Variants in MOXD1 observed in about 807,000 individuals in gnomAD.
The protein encoded by MOXD1 is DBH-like monooxygenase protein 1.
In MOXD1, 62 loss-of-function variants were observed where a neutral mutation model predicts 66.6. That is an observed-to-expected ratio of 0.93 (90% CI 0.76 to 1.15). The LOEUF is 1.15. Among genes scored for constraint, MOXD1 ranks in the 50% most tolerant of loss-of-function variants. The pLI is 0.00. For missense variants in MOXD1, 847 were observed against 754.6 expected (o/e 1.12, Z -1.44); for synonymous variants, 303 against 281.9 (o/e 1.07, Z -0.75).
Position 132,401,406 on chromosome 6 carries a change from G to A in MOXD1, c.21C>T (p.Leu7=), listed in dbSNP as rs1773396993. 6.6e-7 allele frequency: 1 copy of A among 1,519,310 alleles called. No homozygotes were observed. Among genetic ancestry groups the A allele is most frequent in the Non-Finnish European group, 8.8e-7 (1 of 1,139,620 alleles). The allele number at this position is 1,519,310 out of a possible 1,614,324, so 94.1% of individuals were successfully genotyped here. A position where few individuals can be genotyped will look rare whatever the true frequency, so the allele number is the denominator to read the frequency against. The change falls in exon 1 of 12, where the codon CTC becomes CTT. Residue 7 remains leucine (L), a synonymous_variant. Transcript: ENST00000367963. MCCWPL[L]LLWGLLPGTA... The stretch of plus-strand genomic sequence containing the variant: ...TCCCGGGGAGCAGCCCCCACAGCAG[G>A]AGCAGCGGCCAGCAGCACATCCTCG...
chr6:132,380,775 A>G (rs1248870873), intron 1 of MOXD1, among the ~76,000 whole-genome samples: 1 of 152,234 alleles, frequency 6.6e-6, no homozygotes, highest in Non-Finnish European at 1.5e-5. Flanking sequence ...TTTGCTCTTA[A>G]TTATATTTAC....
intron 9 of MOXD1, among the ~76,000 whole-genome samples, chr6:132,316,047 G>A (rs1204261397): frequency 6.6e-6 from 1 of 152,098 alleles, no homozygotes; most frequent in Non-Finnish European, 1.5e-5. Flanking sequence ...ACATTTCAGA[G>A]AATCATAAGG....
chr6:132,303,708 T>TACACAC (rs1230084737), intron 10 of MOXD1, among the ~76,000 whole-genome samples: 12 of 135,974 alleles, frequency 8.8e-5, no homozygotes, highest in African/African-American at 1.9e-4. Context: ...ACTGTATACA[T>TACACAC]ACACACACAC....
intron 1 of MOXD1, among the ~76,000 whole-genome samples, chr6:132,388,797 A>C (rs1776699467): frequency 6.6e-6 from 1 of 151,420 alleles, no homozygotes; most frequent in South Asian, 2.1e-4. Context: ...TAGGACTTTC[A>C]TTTACTAATG....
chr6:132,357,421 C>T (rs899428878), intron 4 of MOXD1, among the ~76,000 whole-genome samples: 1 of 151,984 alleles, frequency 6.6e-6, no homozygotes, highest in Non-Finnish European at 1.5e-5. Context: ...AAGAGTTTGC[C>T]TTACTAAACA....
chr6:132,310,603 C>T (rs1774806623), intron 10 of MOXD1, among the ~76,000 whole-genome samples: 1 of 152,094 alleles, frequency 6.6e-6, no homozygotes, highest in African/African-American at 2.4e-5. Flanking sequence ...ACCCAAATGC[C>T]CATCAGTAAT....
At position 132,328,520 on chromosome 6, in the gene MOXD1, A is replaced by G. The variant is rs1775241469; in HGVS notation, c.738T>C (p.Phe246=). 1.2e-6 allele frequency: 2 copies of G among 1,614,124 alleles called. No individual in the cohort carries two copies. Among genetic ancestry groups the G allele is most frequent in the East Asian group, 2.2e-5 (1 of 44,872 alleles). The part of the protein sequence containing the change: ...HILLYQCSNN[F]NDSVLESGHE... ...GGCCGGACTCCAGAACGCTGTCGTT[A>G]AAGTTGTTGCTGCACTGATAGAGCA... Residue 246 remains phenylalanine, a synonymous_variant, in exon 5 of 12, where the codon TTT becomes TTC. Transcript: ENST00000367963.
chr6:132,341,551 C>T (rs570226712), intron 4 of MOXD1, among the ~76,000 whole-genome samples: 3 of 152,310 alleles, frequency 2.0e-5, no homozygotes, highest in African/African-American at 4.8e-5. Flanking sequence ...CTCCACACTG[C>T]CCGTCCTGTA....
intron 4 of MOXD1, among the ~76,000 whole-genome samples, chr6:132,345,961 C>T (rs996882697): frequency 3.9e-5 from 6 of 151,944 alleles, no homozygotes; most frequent in African/African-American, 1.5e-4. Context: ...GGTTCTGTAT[C>T]AAACATTTTC....
chr6:132,319,743 C>A (rs139994327), intron 9 of MOXD1, among the ~76,000 whole-genome samples: 1 of 149,438 alleles, frequency 6.7e-6, no homozygotes, highest in Admixed American at 6.6e-5. Context: ...AAAAAAAAAA[C>A]GGTATTTCAT....
intron 2 of MOXD1, among the ~76,000 whole-genome samples, chr6:132,374,094 T>C (rs1776324003): frequency 6.6e-6 from 1 of 152,214 alleles, no homozygotes; most frequent in Non-Finnish European, 1.5e-5. Flanking sequence ...ATTACATATC[T>C]TCTAAATATT....
intron 1 of MOXD1, among the ~76,000 whole-genome samples, chr6:132,396,661 C>T (rs1293330860): frequency 6.6e-6 from 1 of 151,766 alleles, no homozygotes; most frequent in Non-Finnish European, 1.5e-5. Context: ...AGAGAATACC[C>T]ACATAAAATC....
chr6:132,302,747 C>G (rs780883527), intron 10 of MOXD1, among the ~76,000 whole-genome samples: 1 of 151,934 alleles, frequency 6.6e-6, no homozygotes, highest in African/African-American at 2.4e-5. Context: ...CCTAGACTAT[C>G]AAAATAATTT....
intron 1 of MOXD1, among the ~76,000 whole-genome samples, chr6:132,395,427 C>T (rs995692622): frequency 6.6e-6 from 1 of 151,932 alleles, no homozygotes; most frequent in African/African-American, 2.4e-5. Context: ...AGAAAAACCA[C>T]AAAACCACAA....
At position 132,359,994 on chromosome 6, in the gene MOXD1, A is replaced by G. The variant is rs532090822; in HGVS notation, c.663+12614T>C. Among the ~76,000 whole-genome samples, 3 of 152,314 alleles carry G rather than the reference A, an allele frequency of 2.0e-5. No homozygotes were observed. The South Asian group carries it at 6.2e-4, about 32-fold the overall frequency. On this transcript the variant is annotated intron_variant, in intron 4 of 11. Coordinates refer to ENST00000367963, the MANE Select transcript of MOXD1 (RefSeq NM_015529.4). The stretch of plus-strand genomic sequence containing the variant: ...AGTAACTGCAGGGATTCTGCATTCT[A>G]ATTTGATGTATTAGACTATGGGTTT...
intron 6 of MOXD1, 88 bp downstream of exon 6, chr6:132,327,925 G>A: frequency 3.1e-6 from 3 of 967,096 alleles, no homozygotes; most frequent in Non-Finnish European, 4.9e-6. Flanking sequence ...AACACTGGCT[G>A]CTATTTTGTT....
intron 4 of MOXD1, among the ~76,000 whole-genome samples, chr6:132,341,267 A>G (rs1419034924): frequency 1.3e-5 from 2 of 152,218 alleles, no homozygotes; most frequent in African/African-American, 4.8e-5. Flanking sequence ...GTGAGGACAC[A>G]GCAACAAGGT....
rs1165992594 is a variant in MOXD1 at position 132,401,215 on chromosome 6, G to C, written c.212C>G (p.Ala71Gly). Residue 71 changes from alanine to glycine, a missense_variant, in exon 1 of 12, where the codon GCG becomes GGG. Physicochemically the swap from Ala to Gly is moderately conservative, Grantham distance 60. Coordinates refer to ENST00000367963, the MANE Select transcript of MOXD1 (RefSeq NM_015529.4). ...CCCGCCCACGACGATGTCGGCGGAC[G>C]CCATGGCCCCGGTGGGCGAGAAGCC... ...GFGFSPTGAM[A>G]SADIVVGGVA... 1 of 1,567,180 alleles carries C rather than the reference G, an allele frequency of 6.4e-7. No homozygotes were observed. The highest frequency in any genetic ancestry group is 8.6e-7 in the Non-Finnish European group (1 of 1,164,770).
At chr6:132,387,865 C>T (rs544726828) in intron 1 of MOXD1, among the ~76,000 whole-genome samples, 31 of 150,166 alleles carry the variant, frequency 2.1e-4, no homozygotes, top group Non-Finnish European at 2.2e-4. Context: ...AGAAACCCTG[C>T]AAAATACCTT....
Sources: gnomAD v4.1 joint callset for allele counts (sites outside exome capture counted in the v4.1 genomes callset) on GRCh38, gnomAD v4.1.1 for gene constraint, MANE v1.5 for transcripts, NCBI Gene and HGNC (gene_info 2026-07-23, HGNC 2026-07-21) for gene names.